Variants in PIKFYVE observed in about 807,000 individuals in gnomAD.
PIKFYVE encodes the protein 1-phosphatidylinositol 3-phosphate 5-kinase.
A neutral mutation model predicts 257.9 loss-of-function variants in PIKFYVE; 122 were observed. The observed-to-expected ratio is 0.47, with a 90% confidence interval of 0.41 to 0.55. PIKFYVE has a LOEUF of 0.55. Ranked by LOEUF, PIKFYVE falls within the 20% of genes least tolerant of loss-of-function variation. The pLI is 0.00. For synonymous variants in PIKFYVE, 892 were observed against 868.9 expected (o/e 1.03, Z -0.47); for missense variants, 2,160 against 2,536.6 (o/e 0.85, Z 3.19).
chr2:208,334,134 A>AATG (rs1360547338), intron 24 of PIKFYVE, among the ~76,000 whole-genome samples: 3 of 152,232 alleles, frequency 2.0e-5, no homozygotes, highest in Non-Finnish European at 2.9e-5. Context: ...CTGCCTTCAA[A>AATG]ATATATCAAG....
chr2:208,340,409 G>A (rs1369958994), intron 31 of PIKFYVE, among the ~76,000 whole-genome samples: 4 of 152,170 alleles, frequency 2.6e-5, no homozygotes, highest in African/African-American at 9.7e-5. Flanking sequence ...TCAAAGATAT[G>A]TGGCTATATC....
chr2:208,348,792 A>T (rs935832164), intron 35 of PIKFYVE, among the ~76,000 whole-genome samples: 3 of 152,008 alleles, frequency 2.0e-5, no homozygotes, highest in African/African-American at 7.2e-5. Flanking sequence ...AGTAGTTGGA[A>T]CTTTTTCAGA....
Position 208,325,732 on chromosome 2 carries a change from C to T in PIKFYVE, c.2921C>T (p.Pro974Leu). The T allele has an allele frequency of 5.0e-6, 8 of 1,613,236 alleles. No homozygotes were observed. The highest frequency in any genetic ancestry group is 6.8e-6 in the Non-Finnish European group (8 of 1,179,382). Reference protein sequence around the residue: ...PAGLPCAFFAPVPESLLPLPV... With the variant: ...PAGLPCAFFALVPESLLPLPV... ...GGTCTCCCTTGTGCTTTCTTTGCAC[C>T]TGTACCGGAATCATTGTTGCCACTC... Residue 974 changes from proline to leucine, a missense_variant, in exon 20 of 42, where the codon CCT becomes CTT. Around this residue, in one of 12 missense-constraint regions of PIKFYVE, gnomAD observed 522 missense variants for 514.6 expected, o/e 1.01. Coordinates refer to ENST00000264380, the MANE Select transcript of PIKFYVE (RefSeq NM_015040.4).
At chr2:208,271,377 G>A in intron 1 of PIKFYVE, 134 bp from the exon 2 acceptor site, 1 of 843,412 alleles carries the variant, frequency 1.2e-6, no homozygotes, top group Non-Finnish European at 2.0e-6. Context: ...TATGAAGCTA[G>A]ATTTATTTAC....
intron 7 of PIKFYVE, among the ~76,000 whole-genome samples, chr2:208,295,148 T>G (rs1440850588): frequency 2.0e-5 from 3 of 152,236 alleles, no homozygotes; most frequent in Non-Finnish European, 4.4e-5. Context: ...TGGAGCAGGA[T>G]TTGGCTTGTG....
At chr2:208,337,740 G>A (rs1034939529) in intron 28 of PIKFYVE, among the ~76,000 whole-genome samples, 1 of 151,640 alleles carries the variant, frequency 6.6e-6, no homozygotes, top group African/African-American at 2.4e-5. Context: ...TTTTTTTTGA[G>A]AGATGGAGTC....
intron 32 of PIKFYVE, 73 bp from the exon 33 acceptor site, chr2:208,345,038 A>G: frequency 9.2e-7 from 1 of 1,081,988 alleles, no homozygotes; most frequent in Admixed American, 1.8e-5. Context: ...TGCAAAACTT[A>G]CTCTAAAGCT....
intron 21 of PIKFYVE, among the ~76,000 whole-genome samples, chr2:208,329,335 C>G (rs1379491285): frequency 6.6e-6 from 1 of 152,132 alleles, no homozygotes; most frequent in East Asian, 1.9e-4. Context: ...GGAATTATCT[C>G]TGGGAGTTTA....
intron 1 of PIKFYVE, among the ~76,000 whole-genome samples, chr2:208,268,907 G>A (rs1369629139): frequency 1.3e-5 from 2 of 151,966 alleles, no homozygotes; most frequent in Admixed American, 1.3e-4. Flanking sequence ...GTTAGAGAAC[G>A]CGGATAGGCT....
intron 7 of PIKFYVE, among the ~76,000 whole-genome samples, chr2:208,291,067 C>T (rs887242785): frequency 1.3e-5 from 2 of 152,136 alleles, no homozygotes; most frequent in Admixed American, 6.5e-5. Flanking sequence ...GACATCCTTT[C>T]CTTGTTCCTG....
chr2:208,277,832 G>A, intron 5 of PIKFYVE, 124 bp downstream of exon 5: 1 of 984,366 alleles, frequency 1.0e-6, no homozygotes, highest in Admixed American at 2.0e-5. Context: ...GGGACACAAA[G>A]GTGAGGGAGA....
At chr2:208,323,419 G>A (rs1291306140) in intron 17 of PIKFYVE, among the ~76,000 whole-genome samples, 1 of 151,374 alleles carries the variant, frequency 6.6e-6, no homozygotes, top group African/African-American at 2.4e-5. Context: ...TTTCATCCAC[G>A]TCCCTACAAA....
In PIKFYVE at chr2:208,304,171, A is replaced by G; in HGVS notation, c.1321A>G (p.Ser441Gly). ...TTGGATCCTGTCTTCATCCTTTCAG[A>G]GTACAGAATTTTCTGAGACGCCTTC... is the stretch of plus-strand genomic sequence containing the variant. ...DEYALYRPLQ[S>G]TEFSETPSPD... Residue 441 changes from serine to glycine, a missense_variant and splice_region_variant, in exon 11 of 42, where the codon AGT becomes GGT. By Grantham distance (56) the Ser-to-Gly change is moderately conservative. This residue lies in a region of PIKFYVE where 90 missense variants were observed against 110.6 expected (regional missense o/e 0.81). Coordinates refer to ENST00000264380, the MANE Select transcript of PIKFYVE (RefSeq NM_015040.4). 1.2e-6 allele frequency: 2 copies of G among 1,614,124 alleles called. No individual in the cohort carries two copies. Among genetic ancestry groups the G allele is most frequent in the Non-Finnish European group, 1.7e-6 (2 of 1,179,996 alleles).
At chr2:208,335,956 T>G (rs1698098955) in intron 26 of PIKFYVE, 55 bp downstream of exon 26, 3 of 1,577,318 alleles carry the variant, frequency 1.9e-6, no homozygotes, top group African/African-American at 2.7e-5. Context: ...TAAAAATTAT[T>G]GATTAAAAAT....
rs372348141 is a variant in PIKFYVE at position 208,273,649 on chromosome 2, C to A, written c.238C>A (p.Pro80Thr). The A allele has an allele frequency of 1.2e-6, 2 of 1,613,964 alleles. No homozygotes were observed. Among genetic ancestry groups the A allele is most frequent in the African/African-American group, 1.3e-5 (1 of 74,884 alleles). Residue 80 changes from proline to threonine, a missense_variant, in exon 3 of 42, where the codon CCT (proline) becomes ACT (threonine). Physicochemically the swap from Pro to Thr is conservative, Grantham distance 38 (BLOSUM62 -1). Coordinates refer to ENST00000264380, the MANE Select transcript of PIKFYVE (RefSeq NM_015040.4). ...LSGSWTSPQL[P>T]SRTQSVRSPT... The stretch of plus-strand genomic sequence containing the variant: ...TGGAAGTTGGACCAGCCCTCAGCTC[C>A]CTTCGAGGACACAGTCTGTTAGGTC...
intron 12 of PIKFYVE, among the ~76,000 whole-genome samples, chr2:208,310,871 TAA>T (rs1429449584): frequency 6.6e-6 from 1 of 152,176 alleles, no homozygotes; most frequent in East Asian, 1.9e-4. Context: ...GACAGTTGGA[TAA>T]ACTTGAGTAT....
At chr2:208,336,016 G>A in intron 26 of PIKFYVE, 30 bp from the exon 27 acceptor site, 1 of 1,613,624 alleles carries the variant, frequency 6.2e-7, no homozygotes, top group Non-Finnish European at 8.5e-7. Flanking sequence ...TATAGTGTCT[G>A]TCTCCTGAAG....
At chr2:208,350,113 G>A in intron 36 of PIKFYVE, 30 bp downstream of exon 36, 1 of 1,611,046 alleles carries the variant, frequency 6.2e-7, no homozygotes, top group Non-Finnish European at 8.5e-7. Context: ...TCATTGGTTT[G>A]GGGAGAGGGA....
chr2:208,323,425 A>G (rs888118535), intron 17 of PIKFYVE, among the ~76,000 whole-genome samples: 8 of 151,574 alleles, frequency 5.3e-5, no homozygotes, highest in Non-Finnish European at 1.0e-4. Flanking sequence ...CCACGTCCCT[A>G]CAAAGGACAT....
Sources: gnomAD v4.1 joint callset for allele counts (sites outside exome capture counted in the v4.1 genomes callset) on GRCh38, gnomAD v4.1.1 for gene constraint, gnomAD v4.1.1 regional missense constraint, MANE v1.5 for transcripts, NCBI Gene and HGNC (gene_info 2026-07-23, HGNC 2026-07-21) for gene names.